The following ERMP1 variants were observed in gnomAD, a reference collection of about 807,000 sequenced individuals.
The protein encoded by ERMP1 is Felix-ina.
A neutral mutation model predicts 92.0 loss-of-function variants in ERMP1; 86 were observed. That is an observed-to-expected ratio of 0.93 (90% CI 0.79 to 1.12). The LOEUF is 1.12. Ranked by LOEUF, ERMP1 falls within the 50% of genes most tolerant of loss-of-function variation. The pLI is 0.00. For missense variants in ERMP1, 1,342 were observed against 1,116.3 expected (o/e 1.20, Z -2.88); for synonymous variants, 530 against 412.8 (o/e 1.28, Z -3.44).
chr9:5,802,433 G>C (rs918713040), intron 10 of ERMP1, among the ~76,000 whole-genome samples: 5 of 152,124 alleles, frequency 3.3e-5, no homozygotes, highest in African/African-American at 1.2e-4. Flanking sequence ...CACCCAGGCT[G>C]GAGTGCAGAG....
In ERMP1 at chr9:5,801,205, T is replaced by G. The variant is rs1563752297; in HGVS notation, c.2038A>C (p.Asn680His). 1.9e-6 allele frequency: 3 copies of G among 1,613,226 alleles called. No individual in the cohort carries two copies. The highest frequency in any genetic ancestry group is 2.2e-5 in the East Asian group (1 of 44,836). The change falls in exon 11 of 15, where the codon AAT becomes CAT. Residue 680 changes from asparagine (N) to histidine (H), a missense_variant. Physicochemically the swap from Asn to His is moderately conservative, Grantham distance 68 (BLOSUM62 1). Coordinates refer to ENST00000339450, the MANE Select transcript of ERMP1 (RefSeq NM_024896.3). Reference protein sequence around the residue: ...TFFPYSSNPANPKPKRVFLQH... With the variant: ...TFFPYSSNPAHPKPKRVFLQH... ...AGAAACACTCTCTTTGGCTTCGGAT[T>G]AGCAGGATTGGAGCTATATGGAAAA... is the stretch of plus-strand genomic sequence containing the variant.
rs1316227210 is a variant in ERMP1 at position 5,818,333 on chromosome 9, G to C, written c.875-5298C>G. 2.6e-5 allele frequency among the ~76,000 whole-genome samples: 4 copies of C among 152,222 alleles called. No homozygotes were observed. The East Asian group carries it at 5.8e-4, about 22-fold the overall frequency. On this transcript the variant is annotated intron_variant, in intron 4 of 14. Coordinates refer to ENST00000339450, the MANE Select transcript of ERMP1 (RefSeq NM_024896.3). ...GCAAATGGAAATGATCCTATAGAGA[G>C]AGAAAAATTAATGATGGAAGAAAGA... is the stretch of plus-strand genomic sequence containing the variant.
intron 3 of ERMP1, 95 bp downstream of exon 3, chr9:5,824,997 T>C: frequency 7.7e-7 from 1 of 1,292,856 alleles, no homozygotes; most frequent in South Asian, 1.3e-5. Context: ...ACAGGAGTCA[T>C]AAAAAATGCA....
At chr9:5,841,330 A>T (rs1033822490) in intron 6 of ERMP1, among the ~76,000 whole-genome samples, 1 of 152,256 alleles carries the variant, frequency 6.6e-6, no homozygotes, top group Non-Finnish European at 1.5e-5. Context: ...CATTGTGCTA[A>T]GTGGAAGACA....
intron 2 of ERMP1, among the ~76,000 whole-genome samples, chr9:5,827,074 A>C (rs543004825): frequency 7.2e-5 from 11 of 152,338 alleles, no homozygotes; most frequent in Admixed American, 1.3e-4. Context: ...TCTTCTACCA[A>C]CGACCTGGAA....
chr9:5,794,153 A>G (rs1382145611), intron 13 of ERMP1, among the ~76,000 whole-genome samples: 1 of 152,118 alleles, frequency 6.6e-6, no homozygotes, highest in Admixed American at 6.5e-5. Flanking sequence ...TGAAAAATCA[A>G]ATCATTTGGA....
intron 13 of ERMP1, among the ~76,000 whole-genome samples, chr9:5,788,603 T>C (rs932160675): frequency 6.6e-6 from 1 of 152,146 alleles, no homozygotes; most frequent in East Asian, 1.9e-4. Flanking sequence ...AGGAAGCCAT[T>C]GCTAGAAATC....
At chr9:5,839,768 C>T (rs1386824907) in intron 6 of ERMP1, among the ~76,000 whole-genome samples, 2 of 152,176 alleles carry the variant, frequency 1.3e-5, no homozygotes, top group African/African-American at 4.8e-5. Flanking sequence ...GCCTCTGCAG[C>T]TGCTGCTTTC....
At chr9:5,802,946 T>C (rs1341004457) in intron 10 of ERMP1, among the ~76,000 whole-genome samples, 12 of 152,096 alleles carry the variant, frequency 7.9e-5, no homozygotes, top group Non-Finnish European at 8.8e-5. Context: ...GGCACGAGAA[T>C]TGCTTGAACC....
chr9:5,845,612 G>C (rs1033361217), intron 6 of ERMP1, among the ~76,000 whole-genome samples: 1 of 152,036 alleles, frequency 6.6e-6, no homozygotes, highest in Non-Finnish European at 1.5e-5. Flanking sequence ...CCTTCCATTT[G>C]CTACCAGTGT....
chr9:5,847,724 T>C (rs1830255017), intron 6 of ERMP1, among the ~76,000 whole-genome samples: 1 of 151,772 alleles, frequency 6.6e-6, no homozygotes, highest in Non-Finnish European at 1.5e-5. Context: ...TAAAACCCTG[T>C]GTCTACTACA....
chr9:5,787,637 G>A lies in ERMP1; in HGVS notation c.2387-44C>T, dbSNP rs745595146. ...AAAGAACAGTTAATCTTTTTAAAAG[G>A]ATCAAAAAAATAACCCACAATCCAA... On this transcript the variant is annotated intron_variant, in intron 13 of 14. Coordinates refer to ENST00000339450, the MANE Select transcript of ERMP1 (RefSeq NM_024896.3). 9.6e-6 allele frequency: 15 copies of A among 1,567,516 alleles called. No individual in the cohort carries two copies. In the South Asian group the frequency reaches 1.2e-4, roughly 12 times the overall value.
At position 5,801,165 on chromosome 9, in the gene ERMP1, A is replaced by C; in HGVS notation, c.2067+11T>G. Reference sequence around the variant, plus strand: ...TTCCAGATCTCAAATACCTCATGCAAAACTGCTCACCTGAAGAAACACTCT... The same window carrying C: ...TTCCAGATCTCAAATACCTCATGCACAACTGCTCACCTGAAGAAACACTCT... On this transcript the variant is annotated intron_variant, in intron 11 of 14. Transcript: ENST00000339450. 6.2e-7 allele frequency: 1 copy of C among 1,606,056 alleles called. No individual in the cohort carries two copies. Among genetic ancestry groups the C allele is most frequent in the Non-Finnish European group, 8.5e-7 (1 of 1,176,972 alleles).
intron 13 of ERMP1, among the ~76,000 whole-genome samples, chr9:5,792,070 G>T (rs893927420): frequency 6.6e-6 from 1 of 152,128 alleles, no homozygotes; most frequent in African/African-American, 2.4e-5. Context: ...ACCAAGAAGA[G>T]TATCACTCAT....
Position 5,823,878 on chromosome 9 carries a change from A to G in ERMP1, c.874+18T>C, listed in dbSNP as rs1829635984. 1 of 1,520,430 alleles carries G rather than the reference A, an allele frequency of 6.6e-7. No individual in the cohort carries two copies. The highest frequency in any genetic ancestry group is 2.2e-5 in the East Asian group (1 of 44,476). 94.2% of individuals were successfully genotyped at this position (1,520,430 alleles called of 1,614,324 possible). On this transcript the variant is annotated intron_variant, in intron 4 of 14. Transcript: ENST00000339450. Reference sequence around the variant, plus strand: ...AACTAGAATTGCATTAAAATATACAACGCACAATCTCACATACCTGTTTGG... The same window carrying G: ...AACTAGAATTGCATTAAAATATACAGCGCACAATCTCACATACCTGTTTGG...
In ERMP1 at chr9:5,832,969, C is replaced by T. The variant is rs1161699419; in HGVS notation, c.59G>A (p.Arg20Gln). The T allele has an allele frequency of 1.9e-6, 3 of 1,565,758 alleles. No individual in the cohort carries two copies. The highest frequency in any genetic ancestry group is 2.6e-6 in the Non-Finnish European group (3 of 1,166,884). Residue 20 changes from arginine (R) to glutamine (Q), a missense_variant, in exon 1 of 15, where the codon CGA becomes CAA. Physicochemically the swap from Arg to Gln is conservative, Grantham distance 43. Transcript: ENST00000339450. ...VRRHRVGVER[R>Q]EGAAAAPPPE... The stretch of plus-strand genomic sequence containing the variant: ...CGGTGGCGCGGCCGCCGCTCCCTCT[C>T]GACGCTCTACTCCGACGCGGTGCCG...
Position 5,799,001 on chromosome 9 carries a change from G to T in ERMP1, c.2075C>A (p.Thr692Asn). The T allele has an allele frequency of 6.2e-7, 1 of 1,611,866 alleles. No homozygotes were observed. The highest frequency in any genetic ancestry group is 8.5e-7 in the Non-Finnish European group (1 of 1,178,564). ...TCCTTCCAAGTCATGGAATGTTCTA[G>T]TCATATGCTGAAAAAAAAAGACTAG... ...KPKRVFLQHM[T>N]RTFHDLEGNA... The change falls in exon 12 of 15, where the codon ACT (threonine) becomes AAT (asparagine). Residue 692 changes from threonine (T) to asparagine (N), a missense_variant. Physicochemically the swap from Thr to Asn is moderately conservative, Grantham distance 65. Transcript: ENST00000339450.
At chr9:5,804,976 T>C (rs745540924) in intron 10 of ERMP1, 51 bp downstream of exon 10, 5 of 1,395,874 alleles carry the variant, frequency 3.6e-6, no homozygotes, top group Non-Finnish European at 5.0e-6. Context: ...ATGGCTAAAT[T>C]CATATTCATA....
intron 6 of ERMP1, among the ~76,000 whole-genome samples, chr9:5,849,069 C>G (rs1006683596): frequency 3.3e-5 from 5 of 152,160 alleles, no homozygotes; most frequent in African/African-American, 1.2e-4. Context: ...TGTCGCCAGG[C>G]TGGAGTGCAG....
Sources: allele counts gnomAD v4.1 joint callset (sites outside exome capture counted in the v4.1 genomes callset), GRCh38; gene constraint gnomAD v4.1.1; transcripts MANE v1.5; gene names NCBI Gene and HGNC (gene_info 2026-07-23, HGNC 2026-07-21).